ADARB2: variants seen among roughly 807,000 people sequenced by gnomAD.
The protein encoded by ADARB2 is adenosine deaminase RNA specific B2 (inactive).
A neutral mutation model predicts 62.2 loss-of-function variants in ADARB2; 25 were observed. The ratio of observed to expected loss-of-function variants is 0.40; its 90% CI spans 0.29 to 0.56. The LOEUF is 0.56. ADARB2 is among the 20% of genes least tolerant of loss of function. The probability of loss-of-function intolerance (pLI) is 0.43; values close to 1 mark genes in which losing one functional copy is unlikely to be tolerated. For missense variants in ADARB2, 1,071 were observed against 1,077.4 expected (o/e 0.99, Z 0.08); for synonymous variants, 572 against 500.8 (o/e 1.14, Z -1.90).
chr10:1,201,668 T>A (rs1034507204), intron 7 of ADARB2, among the ~76,000 whole-genome samples: 1 of 147,580 alleles, frequency 6.8e-6, no homozygotes, highest in Non-Finnish European at 1.5e-5. Context: ...CCACAGCATG[T>A]CTGCCTGGAT....
chr10:1,685,694 C>T (rs188196779), intron 1 of ADARB2, among the ~76,000 whole-genome samples: 26 of 152,300 alleles, frequency 1.7e-4, no homozygotes, highest in African/African-American at 4.8e-4. Context: ...AGGGAGGCGA[C>T]GCAGGAGGGA....
At chr10:1,414,802 A>AC (rs1300248432) in intron 1 of ADARB2, among the ~76,000 whole-genome samples, 6 of 152,078 alleles carry the variant, frequency 3.9e-5, no homozygotes, top group Non-Finnish European at 7.4e-5. Context: ...GGGTCTGATC[A>AC]CCCCAACACA....
chr10:1,379,160 T>C lies in ADARB2; in HGVS notation c.101A>G (p.Asp34Gly). The C allele has an allele frequency of 6.2e-7, 1 of 1,610,322 alleles. No individual in the cohort carries two copies. The highest frequency in any genetic ancestry group is 8.5e-7 in the Non-Finnish European group (1 of 1,176,674). ...RRRRRRSKRK[D>G]KVSILSTFLA... ...GAAGGTTGACAATATGCTTACTTTA[T>C]CTGGAAAGAAAAGAACAGGAAATGC... The change falls in exon 2 of 10, where the codon GAT becomes GGT. Residue 34 changes from aspartate (D) to glycine (G), a missense_variant and splice_region_variant. By Grantham distance (94) the Asp-to-Gly change is moderately conservative. Transcript: ENST00000381312.
intron 1 of ADARB2, among the ~76,000 whole-genome samples, chr10:1,642,257 G>T (rs1833987071): frequency 6.8e-6 from 1 of 147,566 alleles, no homozygotes; most frequent in African/African-American, 2.7e-5. Context: ...TCAAAGCATT[G>T]CTTGCCACAT....
At chr10:1,508,959 G>A (rs1014484162) in intron 1 of ADARB2, among the ~76,000 whole-genome samples, 5 of 152,134 alleles carry the variant, frequency 3.3e-5, no homozygotes, top group African/African-American at 7.2e-5. Context: ...CTGGCCCAGC[G>A]GTCCCTGGGC....
chr10:1,383,702 T>C (rs764969127), intron 1 of ADARB2, among the ~76,000 whole-genome samples: 23 of 152,234 alleles, frequency 1.5e-4, no homozygotes, highest in Non-Finnish European at 2.8e-4. Flanking sequence ...GTCTTAGCTT[T>C]CTTGATGTAT....
intron 1 of ADARB2, among the ~76,000 whole-genome samples, chr10:1,698,937 T>A (rs1474876170): frequency 6.6e-6 from 1 of 152,170 alleles, no homozygotes; most frequent in Non-Finnish European, 1.5e-5. Context: ...ACTTTTGTAT[T>A]TTTAGTAGAG....
intron 1 of ADARB2, among the ~76,000 whole-genome samples, chr10:1,403,883 C>T (rs534135287): frequency 3.3e-5 from 5 of 152,328 alleles, no homozygotes; most frequent in East Asian, 3.9e-4. Context: ...CCTGCCTCCC[C>T]GATTGGAGGC....
intron 1 of ADARB2, among the ~76,000 whole-genome samples, chr10:1,583,337 G>A (rs977209829): frequency 6.6e-6 from 1 of 152,170 alleles, no homozygotes; most frequent in African/African-American, 2.4e-5. Flanking sequence ...AGAATCTACA[G>A]AGCTTTGCAT....
At chr10:1,244,644 G>T (rs1043744503) in intron 4 of ADARB2, among the ~76,000 whole-genome samples, 2 of 152,212 alleles carry the variant, frequency 1.3e-5, no homozygotes, top group African/African-American at 4.8e-5. Context: ...CGCGAAGCCT[G>T]GACCGAGGGA....
chr10:1,737,070 C>T lies in ADARB2; in HGVS notation c.81G>A (p.Arg27=). ...CCTTACCTTTCCGCTTGGACCTCCG[C>T]CTCCTCCTCCTCTTGGACTTGCATT... ...QLKCKSKRRR[R]RRSKRKDKVS... The change falls in exon 1 of 10, where the codon AGG becomes AGA. Residue 27 remains arginine (R), a synonymous_variant. Transcript: ENST00000381312. 1.2e-6 allele frequency: 2 copies of T among 1,611,502 alleles called. No individual in the cohort carries two copies. Among genetic ancestry groups the T allele is most frequent in the Non-Finnish European group, 1.7e-6 (2 of 1,179,840 alleles).
At chr10:1,240,101 T>TC (rs1441663101) in intron 5 of ADARB2, among the ~76,000 whole-genome samples, 1 of 2,382 alleles carries the variant, frequency 4.2e-4, no homozygotes. Context: ...CGGTGTTTAC[T>TC]CCCCTCTGCC....
At chr10:1,304,756 C>T (rs1271291272) in intron 3 of ADARB2, among the ~76,000 whole-genome samples, 1 of 148,184 alleles carries the variant, frequency 6.7e-6, no homozygotes, top group Admixed American at 6.8e-5. Context: ...GGAAACTGAA[C>T]AACCTGCTCC....
rs181478673 is a variant in ADARB2 at position 1,561,435 on chromosome 10, A to G, written c.100+175616T>C. On this transcript the variant is annotated intron_variant, in intron 1 of 9. Coordinates refer to ENST00000381312, the MANE Select transcript of ADARB2 (RefSeq NM_018702.4). ...TACAGCATTCAACATATTCTTCAAC[A>G]ACTATTTCCTGAGGGTTTATGATGG... 2.0e-5 allele frequency among the ~76,000 whole-genome samples: 3 copies of G among 152,186 alleles called. No individual in the cohort carries two copies. The South Asian group carries it at 6.2e-4, about 32-fold the overall frequency.
intron 1 of ADARB2, among the ~76,000 whole-genome samples, chr10:1,615,412 C>T (rs1207457536): frequency 6.6e-6 from 1 of 152,228 alleles, no homozygotes; most frequent in Non-Finnish European, 1.5e-5. Flanking sequence ...CCAGGACTCA[C>T]TGCCATCGCC....
chr10:1,251,973 G>A (rs4880803), intron 4 of ADARB2, among the ~76,000 whole-genome samples: 38,347 of 152,112 alleles, frequency 0.25, 6,037 homozygotes, highest in South Asian at 0.49. Flanking sequence ...AGAACTGTGA[G>A]CAATGAACTT....
At chr10:1,337,062 C>CGGTGTG (rs1554755013) in intron 3 of ADARB2, among the ~76,000 whole-genome samples, 5 of 142,150 alleles carry the variant, frequency 3.5e-5, no homozygotes, top group African/African-American at 1.4e-4. Flanking sequence ...TTAAAGATTT[C>CGGTGTG]TGTGTGTGTG....
intron 1 of ADARB2, among the ~76,000 whole-genome samples, chr10:1,597,766 A>G (rs1833353516): frequency 6.6e-6 from 1 of 152,236 alleles, no homozygotes; most frequent in Non-Finnish European, 1.5e-5. Context: ...CAATCCCACT[A>G]CTGGATATCT....
At position 1,604,852 on chromosome 10, in the gene ADARB2, G is replaced by C. The variant is rs759385458; in HGVS notation, c.100+132199C>G. Among the ~76,000 whole-genome samples, 7 of 152,162 alleles carry C rather than the reference G, an allele frequency of 4.6e-5. 1 individual carries two copies. The East Asian group carries it at 1.3e-3, about 29-fold the overall frequency. ...TTCTCGTGGTAAGTTTGGTGAGGAC[G>C]TCTGTGTGCATGAAGCTCTGAGCAA... On this transcript the variant is annotated intron_variant, in intron 1 of 9. Coordinates refer to ENST00000381312, the MANE Select transcript of ADARB2 (RefSeq NM_018702.4).
Sources: allele counts gnomAD v4.1 joint callset (sites outside exome capture counted in the v4.1 genomes callset), GRCh38; gene constraint gnomAD v4.1.1; transcripts MANE v1.5; gene names NCBI Gene and HGNC (gene_info 2026-07-23, HGNC 2026-07-21).